Variants in GLP2R observed in about 807,000 individuals in gnomAD.
GLP2R encodes glucagon-like peptide 2 receptor.
A neutral mutation model predicts 68.2 loss-of-function variants in GLP2R; 59 were observed. The ratio of observed to expected loss-of-function variants is 0.87; its 90% CI spans 0.70 to 1.07. The LOEUF (loss-of-function observed/expected upper bound fraction) is 1.07, where lower values mean the gene tolerates loss of function less well. Ranked by LOEUF, GLP2R falls within the 50% of genes least tolerant of loss-of-function variation. The pLI, the probability that GLP2R is intolerant of heterozygous loss-of-function variation, is 0.00. For missense variants in GLP2R, 548 were observed against 677.4 expected, an observed-to-expected ratio of 0.81 and a Z score of 2.12; for synonymous variants, 270 against 265.4, an observed-to-expected ratio of 1.02 and a Z score of -0.17.
intron 9 of GLP2R, among the ~76,000 whole-genome samples, chr17:9,863,941 G>A (rs1403512381): frequency 1.3e-5 from 2 of 152,164 alleles, no homozygotes; most frequent in African/African-American, 4.8e-5. Flanking sequence ...GACCCTGAAA[G>A]GTTCTTGCTA....
intron 1 of GLP2R, among the ~76,000 whole-genome samples, chr17:9,829,238 C>A (rs2066659165): frequency 6.6e-6 from 1 of 152,122 alleles, no homozygotes; most frequent in South Asian, 2.1e-4. Flanking sequence ...AAAACATAAA[C>A]TATCTAAGGA....
intron 5 of GLP2R, among the ~76,000 whole-genome samples, chr17:9,855,337 A>G (rs2066925435): frequency 6.6e-6 from 1 of 152,222 alleles, no homozygotes; most frequent in Non-Finnish European, 1.5e-5. Flanking sequence ...CTCTGGCCAT[A>G]AAGCCAGTTG....
chr17:9,889,913 A>T lies in GLP2R; in HGVS notation c.*208A>T. ...CTCACAGCCTCTGCCTGCTCTTCTC[A>T]TCCTAATAACCCCCACCAGTGTGTT... On this transcript the variant is annotated 3_prime_UTR_variant, in exon 13 of 13. Coordinates refer to ENST00000262441, the MANE Select transcript of GLP2R (RefSeq NM_004246.3). 1 of 641,058 alleles carries T rather than the reference A, an allele frequency of 1.6e-6. No individual in the cohort carries two copies. The highest frequency in any genetic ancestry group is 2.9e-6 in the Non-Finnish European group (1 of 349,142). 39.7% of individuals were successfully genotyped at this position (641,058 alleles called of 1,614,324 possible).
At chr17:9,841,077 C>T (rs2066782047) in intron 3 of GLP2R, among the ~76,000 whole-genome samples, 2 of 147,422 alleles carry the variant, frequency 1.4e-5, no homozygotes, top group African/African-American at 2.5e-5. Context: ...AATGCAATGG[C>T]GTGATCTCAG....
chr17:9,878,580 T>C (rs2067161813), intron 10 of GLP2R, among the ~76,000 whole-genome samples: 1 of 152,206 alleles, frequency 6.6e-6, no homozygotes, highest in African/African-American at 2.4e-5. Context: ...CCAAGGCCCA[T>C]GATTCCATCT....
chr17:9,842,228 T>TC (rs1488851559), intron 3 of GLP2R, among the ~76,000 whole-genome samples: 3 of 152,182 alleles, frequency 2.0e-5, no homozygotes, highest in Non-Finnish European at 4.4e-5. Context: ...CTTGGAGGGC[T>TC]TATAACATCA....
chr17:9,855,059 T>C (rs1382658714), intron 5 of GLP2R, among the ~76,000 whole-genome samples: 1 of 152,212 alleles, frequency 6.6e-6, no homozygotes, highest in Non-Finnish European at 1.5e-5. Context: ...TGGAAGTTTT[T>C]CGTTTAATAT....
chr17:9,862,169 C>T (rs1343457989), intron 9 of GLP2R, 79 bp downstream of exon 9: 2 of 994,466 alleles, frequency 2.0e-6, no homozygotes, highest in South Asian at 1.3e-5. Flanking sequence ...CGACTTCTGT[C>T]CCCCAGGTTC....
chr17:9,869,812 C>T (rs758037855), intron 9 of GLP2R, among the ~76,000 whole-genome samples: 2 of 152,214 alleles, frequency 1.3e-5, no homozygotes, highest in Non-Finnish European at 2.9e-5. Context: ...CATAGCACCA[C>T]TTCTATGACA....
intron 11 of GLP2R, among the ~76,000 whole-genome samples, chr17:9,887,566 C>T (rs2067254791): frequency 6.6e-6 from 1 of 151,988 alleles, no homozygotes; most frequent in Non-Finnish European, 1.5e-5. Context: ...CCAGTGCCCA[C>T]TATGACCAAG....
chr17:9,878,067 T>C (rs1405937647), intron 10 of GLP2R, among the ~76,000 whole-genome samples: 1 of 152,118 alleles, frequency 6.6e-6, no homozygotes, highest in Non-Finnish European at 1.5e-5. Context: ...GGCATATAAG[T>C]CTGTATCTTG....
At chr17:9,855,084 G>A (rs770245969) in intron 5 of GLP2R, among the ~76,000 whole-genome samples, 1 of 152,188 alleles carries the variant, frequency 6.6e-6, no homozygotes, top group Non-Finnish European at 1.5e-5. Context: ...GAGCCGCAGT[G>A]CACCATGATT....
chr17:9,846,879 G>A (rs1408845696), intron 4 of GLP2R, among the ~76,000 whole-genome samples: 1 of 152,222 alleles, frequency 6.6e-6, no homozygotes, highest in Admixed American at 6.5e-5. Context: ...GAAAGTAGGG[G>A]TTTCCATCTC....
chr17:9,832,123 T>C (rs1465253891), intron 1 of GLP2R, among the ~76,000 whole-genome samples: 2 of 152,112 alleles, frequency 1.3e-5, no homozygotes, highest in Non-Finnish European at 2.9e-5. Context: ...TGATGAACAA[T>C]AGAAGAGAAA....
At chr17:9,873,922 G>A (rs1043028269) in intron 10 of GLP2R, among the ~76,000 whole-genome samples, 1 of 152,122 alleles carries the variant, frequency 6.6e-6, no homozygotes, top group African/African-American at 2.4e-5. Flanking sequence ...CAGCCTCAAT[G>A]TTCTCTTTTC....
At position 9,852,571 on chromosome 17, in the gene GLP2R, C is replaced by G. The variant is rs573264568; in HGVS notation, c.505-1924C>G. 2.0e-5 allele frequency among the ~76,000 whole-genome samples: 3 copies of G among 151,946 alleles called. No individual in the cohort carries two copies. The South Asian group carries it at 6.2e-4, about 32-fold the overall frequency. On this transcript the variant is annotated intron_variant, in intron 4 of 12. Transcript: ENST00000262441. Reference sequence around the variant, plus strand: ...CTCAGCAAATTAAACTCAAAGTAAGCAAAAGAAAAGAATTACAAAGTATGA... The same window carrying G: ...CTCAGCAAATTAAACTCAAAGTAAGGAAAAGAAAAGAATTACAAAGTATGA...
At chr17:9,887,504 C>A (rs374059204) in intron 11 of GLP2R, among the ~76,000 whole-genome samples, 250 of 152,182 alleles carry the variant, frequency 1.6e-3, no homozygotes, top group African/African-American at 5.8e-3. Flanking sequence ...TCTAGCCTGG[C>A]GACAAGAGTG....
chr17:9,881,170 C>T, intron 11 of GLP2R, among the ~76,000 whole-genome samples: 1 of 152,098 alleles, frequency 6.6e-6, no homozygotes. Flanking sequence ...CTGGAACTAC[C>T]AAGATGTCTT....
intron 4 of GLP2R, among the ~76,000 whole-genome samples, chr17:9,848,216 G>C (rs2066859173): frequency 6.6e-6 from 1 of 151,752 alleles, no homozygotes; most frequent in Non-Finnish European, 1.5e-5. Flanking sequence ...TCAAAGTTGT[G>C]CTAATGGCAT....
Sources: gnomAD v4.1 joint callset for allele counts (sites outside exome capture counted in the v4.1 genomes callset) on GRCh38, gnomAD v4.1.1 for gene constraint, MANE v1.5 for transcripts, NCBI Gene and HGNC (gene_info 2026-07-23, HGNC 2026-07-21) for gene names.